MMP11: variants seen among roughly 807,000 people sequenced by gnomAD.
MMP11 encodes the protein stromelysin-3.
In MMP11, 26 loss-of-function variants were observed where a neutral mutation model predicts 49.5. The observed-to-expected ratio is 0.52, with a 90% CI of 0.38 to 0.73. The LOEUF is 0.73. Ranked by LOEUF, MMP11 falls within the 30% of genes least tolerant of loss-of-function variation. MMP11 has a pLI of 0.00. For missense variants in MMP11, 624 were observed against 671.2 expected (o/e 0.93, Z 0.78); for synonymous variants, 265 against 282.3 (o/e 0.94, Z 0.62).
chr22:23,781,653 G>A (rs1959815413), intron 6 of MMP11: 6 of 644,740 alleles, frequency 9.3e-6, no homozygotes, highest in East Asian at 5.6e-5. Context: ...GTGTTGGTGC[G>A]TTCAACCCTC....
Position 23,780,795 on chromosome 22 carries a change from G to C in MMP11, c.617-64G>C, listed in dbSNP as rs1214322430. 6.4e-7 allele frequency: 1 copy of C among 1,573,316 alleles called. No homozygotes were observed. Among genetic ancestry groups the C allele is most frequent in the East Asian group, 2.2e-5 (1 of 44,600 alleles). ...GGGACTCGCCAAGGTCACTGAGCTG[G>C]GGTCTGGAGCTGGATGTCCTGGGCA... is the stretch of plus-strand genomic sequence containing the variant. On this transcript the variant is annotated intron_variant, in intron 4 of 7. Coordinates refer to ENST00000215743, the MANE Select transcript of MMP11 (RefSeq NM_005940.5). This position sits in a 1 kb window ranked among gnomAD's most constrained non-coding sequence, Gnocchi z 4.6.
rs1291594532 is a variant in MMP11, at chr22:23,780,255, C to G, written c.339-104C>G. On this transcript the variant is annotated intron_variant, in intron 2 of 7. Coordinates refer to ENST00000215743, the MANE Select transcript of MMP11 (RefSeq NM_005940.5). This position sits in a 1 kb window ranked among gnomAD's most constrained non-coding sequence, Gnocchi z 4.6. ...GCCCAGAGTACACCTGGCCTGTGTC[C>G]TGAGTGTTCACACACCCACCAAGCA... The G allele has an allele frequency of 1.4e-6, 2 of 1,443,224 alleles. No homozygotes were observed. 89.4% of individuals were successfully genotyped at this position (1,443,224 alleles called of 1,614,324 possible).
In MMP11 at chr22:23,781,014, G is replaced by A. The variant is rs1475272631; in HGVS notation, c.772G>A (p.Gly258Ser). 8 of 1,612,638 alleles carry A rather than the reference G, an allele frequency of 5.0e-6. No homozygotes were observed. The African/African-American group carries it at 5.3e-5, about 11-fold the overall frequency. The change falls in exon 5 of 8, where the codon GGC becomes AGC. Residue 258 changes from glycine to serine, a missense_variant. Gly to Ser is a moderately conservative substitution (Grantham distance 56, BLOSUM62 0). Transcript: ENST00000215743. ...DDCRGVQHLY[G>S]QPWPTVTSRT... is the part of the protein sequence containing the mutation. ...CTGCAGGGGCGTTCAACACCTATAT[G>A]GCCAGCCCTGGCCCACTGTCACCTC...
At chr22:23,774,836 AC>A (rs1927355440) in intron 1 of MMP11, among the ~76,000 whole-genome samples, 1 of 152,004 alleles carries the variant, frequency 6.6e-6, no homozygotes, top group Non-Finnish European at 1.5e-5. Flanking sequence ...GTTTCCTGGC[AC>A]CCTGGGGTCC....
At chr22:23,777,040 C>G (rs554751940) in intron 1 of MMP11, among the ~76,000 whole-genome samples, 1 of 150,912 alleles carries the variant, frequency 6.6e-6, no homozygotes, top group South Asian at 2.1e-4. Context: ...ATCTCCTGAC[C>G]TCATGATCCG....
intron 6 of MMP11, 134 bp downstream of exon 6, chr22:23,781,543 GGA>G (rs752061777): frequency 5.9e-6 from 5 of 850,530 alleles, no homozygotes; most frequent in Non-Finnish European, 9.0e-6. Flanking sequence ...GGGGGCCGAG[GGA>G]GAGAGAGTGT....
chr22:23,781,709 C>A, intron 6 of MMP11: 1 of 653,270 alleles, frequency 1.5e-6, no homozygotes, highest in Non-Finnish European at 2.9e-6. Flanking sequence ...CTCTGGGGCC[C>A]CGAGGCAGTG....
rs77446410 is a variant in MMP11 at position 23,773,534 on chromosome 22, A to G, written c.108+556A>G. Among the ~76,000 whole-genome samples, 1,394 of 152,304 alleles carry G rather than the reference A, an allele frequency of 9.2e-3. 16 individuals are homozygous for G. The highest frequency in any genetic ancestry group is 0.015 in the Non-Finnish European group (1,008 of 68,022). On this transcript the variant is annotated intron_variant, in intron 1 of 7. Transcript: ENST00000215743. ...TTGGGAGGCTTGGAGCCAGGAGAACATGAGTATGAAATAGTATGAGTGCAG... is the reference window on the plus strand; with the variant it reads ...TTGGGAGGCTTGGAGCCAGGAGAACGTGAGTATGAAATAGTATGAGTGCAG...
In MMP11 at chr22:23,780,908, G is replaced by A; in HGVS notation, c.666G>A (p.Gly222=). ...VAAHEFGHVL[G]LQHTTAAKAL... is the part of the protein sequence containing the mutation. ...CCCATGAATTTGGCCACGTGCTGGG[G>A]CTGCAGCACACAACAGCAGCCAAGG... is the stretch of plus-strand genomic sequence containing the variant. The change falls in exon 5 of 8, where the codon GGG becomes GGA. Residue 222 remains glycine (G), a synonymous_variant. Transcript: ENST00000215743. The surrounding 1 kb of genome is among the most constrained non-coding windows in gnomAD (Gnocchi z 4.6). The A allele has an allele frequency of 6.2e-7, 1 of 1,613,958 alleles. No individual in the cohort carries two copies.
chr22:23,777,343 G>A (rs1283220104), intron 1 of MMP11, among the ~76,000 whole-genome samples: 2 of 151,544 alleles, frequency 1.3e-5, no homozygotes, highest in Non-Finnish European at 2.9e-5. Flanking sequence ...CGAGGCAGGC[G>A]GATCACAAGG....
At chr22:23,775,714 C>T (rs1156560488) in intron 1 of MMP11, among the ~76,000 whole-genome samples, 1 of 152,224 alleles carries the variant, frequency 6.6e-6, no homozygotes, top group African/African-American at 2.4e-5. Flanking sequence ...GGCCTGAAAG[C>T]TCCCTTCTAG....
At chr22:23,782,135 G>A in intron 6 of MMP11, 91 bp from the exon 7 acceptor site, 6 of 1,530,210 alleles carry the variant, frequency 3.9e-6, no homozygotes, top group Non-Finnish European at 5.3e-6. Flanking sequence ...CTGAGGCTGG[G>A]AGAGTCTGTG....
chr22:23,777,423 C>T (rs187262994), intron 1 of MMP11, among the ~76,000 whole-genome samples: 7 of 151,928 alleles, frequency 4.6e-5, no homozygotes, highest in African/African-American at 9.7e-5. Context: ...AAAAATTAGC[C>T]GGGCATGGCA....
In MMP11 at chr22:23,780,061, A is replaced by C; in HGVS notation, c.339-298A>C. On this transcript the variant is annotated intron_variant, in intron 2 of 7. Transcript: ENST00000215743. The surrounding 1 kb of genome is among the most constrained non-coding windows in gnomAD (Gnocchi z 4.6). The stretch of plus-strand genomic sequence containing the variant: ...CTGGGAACCAACAGGGGCTCAAGGA[A>C]CCAAGGTGTCCCCACAGTAAGTGGC... The C allele has an allele frequency of 4.5e-6, 2 of 442,894 alleles. No individual in the cohort carries two copies. Among genetic ancestry groups the C allele is most frequent in the Non-Finnish European group, 4.1e-6 (1 of 242,464 alleles). 27.4% of individuals were successfully genotyped at this position (442,894 alleles called of 1,614,324 possible).
chr22:23,782,879 G>T (rs1384024604), intron 7 of MMP11, among the ~76,000 whole-genome samples: 2 of 152,012 alleles, frequency 1.3e-5, no homozygotes, highest in East Asian at 3.9e-4. Context: ...CCCTAACCTG[G>T]ACTACCCTGG....
Position 23,779,251 on chromosome 22 carries a change from G to T in MMP11, c.173G>T (p.Ser58Ile). The stretch of plus-strand genomic sequence containing the variant: ...CCCTGGCATGCAGCCCTGCCCAGTA[G>T]CCCGGCACCTGCCCCTGCCACGCAG... Reference protein sequence around the residue: ...PQPWHAALPSSPAPAPATQEA... With the variant: ...PQPWHAALPSIPAPAPATQEA... Residue 58 changes from serine to isoleucine, a missense_variant, in exon 2 of 8, where the codon AGC (serine) becomes ATC (isoleucine). Transcript: ENST00000215743. The T allele has an allele frequency of 6.2e-7, 1 of 1,609,134 alleles. No homozygotes were observed. The highest frequency in any genetic ancestry group is 1.1e-5 in the South Asian group (1 of 90,320).
chr22:23,779,007 A>C (rs926332676), intron 1 of MMP11, among the ~76,000 whole-genome samples, 180 bp from the exon 2 acceptor site: 2 of 152,214 alleles, frequency 1.3e-5, no homozygotes, highest in Non-Finnish European at 2.9e-5. Flanking sequence ...GTGCCAAGAA[A>C]CCAGAGAGCC....
chr22:23,777,744 A>G (rs1927463460), intron 1 of MMP11: 2 of 152,320 alleles, frequency 1.3e-5, no homozygotes, highest in Admixed American at 6.6e-5. Context: ...AAAAAAACAA[A>G]ACAAAAAACC....
At chr22:23,775,656 G>A (rs1927385983) in intron 1 of MMP11, among the ~76,000 whole-genome samples, 1 of 152,248 alleles carries the variant, frequency 6.6e-6, no homozygotes, top group African/African-American at 2.4e-5. Context: ...ACAGGGAGAA[G>A]AGACCTTGAT....
Sources: allele counts gnomAD v4.1 joint callset (sites outside exome capture counted in the v4.1 genomes callset), GRCh38; gene constraint gnomAD v4.1.1; non-coding constraint Gnocchi (gnomAD v3.1); transcripts MANE v1.5; gene names NCBI Gene and HGNC (gene_info 2026-07-23, HGNC 2026-07-21).